GRAMD2B: variants seen among roughly 807,000 people sequenced by gnomAD.
GRAMD2B encodes the protein GRAM domain containing 2B.
Under a neutral mutation model 59.2 loss-of-function variants are expected in GRAMD2B, and 41 were observed. The observed-to-expected ratio is 0.69, with a 90% CI of 0.54 to 0.90. GRAMD2B has a LOEUF of 0.90. Among genes scored for constraint, GRAMD2B ranks in the 40% least tolerant of loss-of-function variants. The probability of loss-of-function intolerance (pLI) is 0.00; values close to 1 mark genes in which losing one functional copy is unlikely to be tolerated. For missense variants in GRAMD2B, 424 were observed against 500.5 expected (o/e 0.85, Z 1.46); for synonymous variants, 161 against 182.7 (o/e 0.88, Z 0.96).
At chr5:126,398,086 T>C (rs1006583829) in intron 1 of GRAMD2B, among the ~76,000 whole-genome samples, 2 of 147,378 alleles carry the variant, frequency 1.4e-5, no homozygotes, top group African/African-American at 5.0e-5. Context: ...TGCAGTGGTA[T>C]GACCATAGCT....
intron 1 of GRAMD2B, among the ~76,000 whole-genome samples, chr5:126,374,399 T>C (rs1270799924): frequency 6.6e-6 from 1 of 152,208 alleles, no homozygotes; most frequent in East Asian, 1.9e-4. Flanking sequence ...ATATCCCTTT[T>C]GGAGGAAAGA....
Position 126,486,169 on chromosome 5 carries a change from A to G in GRAMD2B, c.1058+396A>G, listed in dbSNP as rs537297898. The stretch of plus-strand genomic sequence containing the variant: ...TCAGATCCGGGTAATTAGCATATCC[A>G]TCACCCTTATCATCTCTTTGTGTTG... On this transcript the variant is annotated intron_variant, in intron 11 of 13. Transcript: ENST00000285689. 3.3e-5 allele frequency among the ~76,000 whole-genome samples: 5 copies of G among 152,324 alleles called. No homozygotes were observed. In the South Asian group the frequency reaches 1.0e-3, roughly 32 times the overall value.
intron 1 of GRAMD2B, among the ~76,000 whole-genome samples, chr5:126,396,204 G>A (rs1004128037): frequency 2.0e-5 from 3 of 151,954 alleles, no homozygotes; most frequent in Non-Finnish European, 4.4e-5. Flanking sequence ...AAGTTCAGGG[G>A]TACATGTGTA....
chr5:126,362,652 T>C (rs1208882980), intron 1 of GRAMD2B, among the ~76,000 whole-genome samples: 1 of 152,214 alleles, frequency 6.6e-6, no homozygotes, highest in African/African-American at 2.4e-5. Context: ...TTTCTATGTA[T>C]ATTGTTTAAA....
At chr5:126,484,609 C>A (rs1365839151) in intron 10 of GRAMD2B, 85 bp downstream of exon 10, 1 of 1,352,354 alleles carries the variant, frequency 7.4e-7, no homozygotes. Flanking sequence ...TAGACAGCAT[C>A]TTGCTCTATC....
Position 126,493,108 on chromosome 5 carries a change from G to A in GRAMD2B, c.*152G>A. On this transcript the variant is annotated 3_prime_UTR_variant, in exon 14 of 14. Coordinates refer to ENST00000285689, the MANE Select transcript of GRAMD2B (RefSeq NM_023927.4). Reference sequence around the variant, plus strand: ...ATGTGGAGGTCTCCAGCTCAGGAAAGTGAGGAGGGAAATAATTTTGGTTCT... The same window carrying A: ...ATGTGGAGGTCTCCAGCTCAGGAAAATGAGGAGGGAAATAATTTTGGTTCT... 1.6e-6 allele frequency: 1 copy of A among 620,952 alleles called. No individual in the cohort carries two copies. The highest frequency in any genetic ancestry group is 2.9e-6 in the Non-Finnish European group (1 of 342,184). 38.5% of individuals were successfully genotyped at this position (620,952 alleles called of 1,614,324 possible).
intron 1 of GRAMD2B, among the ~76,000 whole-genome samples, chr5:126,424,441 T>A (rs1760232579): frequency 6.6e-6 from 1 of 152,200 alleles, no homozygotes; most frequent in Admixed American, 6.5e-5. Context: ...ATATGAGTAA[T>A]TTAGGAAGGA....
chr5:126,441,642 T>C (rs1459619261), intron 1 of GRAMD2B, among the ~76,000 whole-genome samples: 1 of 152,254 alleles, frequency 6.6e-6, no homozygotes, highest in Non-Finnish European at 1.5e-5. Context: ...ATAATAATGC[T>C]GGCACACAGC....
intron 1 of GRAMD2B, among the ~76,000 whole-genome samples, chr5:126,414,211 C>A (rs1759071739): frequency 1.3e-5 from 2 of 152,130 alleles, no homozygotes; most frequent in African/African-American, 4.8e-5. Flanking sequence ...GTGTCTACTG[C>A]AAATTTATAC....
intron 1 of GRAMD2B, among the ~76,000 whole-genome samples, chr5:126,430,532 C>T (rs1268794993): frequency 6.6e-6 from 1 of 152,130 alleles, no homozygotes. Context: ...CAATTCCCAA[C>T]CCCAGCTCTA....
At chr5:126,373,170 T>G (rs2149693741) in intron 1 of GRAMD2B, among the ~76,000 whole-genome samples, 1 of 152,288 alleles carries the variant, frequency 6.6e-6, no homozygotes, top group South Asian at 2.1e-4. Context: ...CTAAAAAAAT[T>G]TAACATATCT....
chr5:126,397,395 T>C (rs1023195735), intron 1 of GRAMD2B, among the ~76,000 whole-genome samples: 1 of 152,098 alleles, frequency 6.6e-6, no homozygotes, highest in African/African-American at 2.4e-5. Flanking sequence ...TGGCTAACTT[T>C]TGTATTTTTT....
intron 11 of GRAMD2B, among the ~76,000 whole-genome samples, chr5:126,486,310 T>G (rs1772901758): frequency 1.3e-5 from 2 of 152,208 alleles, no homozygotes; most frequent in Non-Finnish European, 2.9e-5. Context: ...ATAATTTTGT[T>G]TTGCCATCTG....
chr5:126,461,411 T>C (rs543630448), intron 1 of GRAMD2B, among the ~76,000 whole-genome samples: 37 of 152,362 alleles, frequency 2.4e-4, no homozygotes, highest in African/African-American at 8.9e-4. Context: ...AGATGGCTGA[T>C]AGGGATTGTA....
chr5:126,432,456 A>T (rs1761728112), intron 1 of GRAMD2B, among the ~76,000 whole-genome samples: 1 of 152,212 alleles, frequency 6.6e-6, no homozygotes, highest in South Asian at 2.1e-4. Context: ...ATGATTCTGA[A>T]AGCTTTAGTG....
intron 1 of GRAMD2B, among the ~76,000 whole-genome samples, chr5:126,439,223 C>A (rs1367095138): frequency 6.6e-6 from 1 of 151,982 alleles, no homozygotes. Flanking sequence ...CAAAAGTAAC[C>A]TGCAAGAGGT....
upstream of GRAMD2B, chr5:126,423,029 GA>G: frequency 3.1e-6 from 1 of 324,134 alleles, no homozygotes; most frequent in Non-Finnish European, 4.4e-6. Flanking sequence ...TTAAGCAGAA[GA>G]GGCAGTCCCT....
chr5:126,460,904 T>C (rs995878628), intron 1 of GRAMD2B, among the ~76,000 whole-genome samples: 2 of 152,224 alleles, frequency 1.3e-5, no homozygotes, highest in African/African-American at 4.8e-5. Flanking sequence ...AAACCTTTGT[T>C]GATCAAGACT....
intron 1 of GRAMD2B, among the ~76,000 whole-genome samples, chr5:126,406,598 A>C (rs1301661216): frequency 6.6e-6 from 1 of 151,996 alleles, no homozygotes; most frequent in Non-Finnish European, 1.5e-5. Flanking sequence ...AAAATGAAAA[A>C]GAAATCCTAA....
Sources: gnomAD v4.1 joint callset for allele counts (sites outside exome capture counted in the v4.1 genomes callset) on GRCh38, gnomAD v4.1.1 for gene constraint, MANE v1.5 for transcripts, NCBI Gene and HGNC (gene_info 2026-07-23, HGNC 2026-07-21) for gene names.